Variants in BACH2 observed in about 807,000 individuals in gnomAD.
The protein encoded by BACH2 is transcription regulator protein BACH2.
In BACH2, 5 loss-of-function variants were observed where a neutral mutation model predicts 61.8. The observed-to-expected ratio is 0.08, with a 90% CI of 0.04 to 0.17. BACH2 has a LOEUF of 0.17. Among genes scored for constraint, BACH2 ranks in the 10% least tolerant of loss-of-function variants. The pLI is 1.00. For synonymous variants in BACH2, 446 were observed against 440.1 expected (o/e 1.01, Z -0.17); for missense variants, 824 against 1,091.1 (o/e 0.76, Z 3.45).
chr6:90,289,517 C>T (rs1772118193), intron 1 of BACH2, among the ~76,000 whole-genome samples: 1 of 152,138 alleles, frequency 6.6e-6, no homozygotes, highest in South Asian at 2.1e-4. Flanking sequence ...CTTAATTTTG[C>T]ATCTAAGAAT....
At chr6:90,012,886 C>T (rs899089515) in intron 5 of BACH2, among the ~76,000 whole-genome samples, 5 of 151,966 alleles carry the variant, frequency 3.3e-5, no homozygotes, top group South Asian at 2.1e-4. Context: ...AGACTGGTCT[C>T]GAACTCTTGG....
In BACH2 at chr6:89,995,061, C is replaced by A. The variant is rs565920438; in HGVS notation, c.243+13541G>T. 1.5e-3 allele frequency among the ~76,000 whole-genome samples: 225 copies of A among 152,344 alleles called. No homozygotes were observed. In the Middle Eastern group the frequency reaches 0.02, roughly 14 times the overall value. On this transcript the variant is annotated intron_variant, in intron 6 of 8. Coordinates refer to ENST00000257749, the MANE Select transcript of BACH2 (RefSeq NM_021813.4). ...TTGAGTTTCTCCAATTTCCCCCACT[C>A]CAGAGTCCTTTATAACTGGTTTGTG...
chr6:89,945,623 T>C (rs949685838), intron 7 of BACH2, among the ~76,000 whole-genome samples: 2 of 152,202 alleles, frequency 1.3e-5, no homozygotes, highest in Non-Finnish European at 1.5e-5. Flanking sequence ...TAGAATTACA[T>C]AGTGGTGATG....
In BACH2 at chr6:90,070,050, C is replaced by T. The variant is rs545156369; in HGVS notation, c.-13+18911G>A. 3.3e-5 allele frequency among the ~76,000 whole-genome samples: 5 copies of T among 152,214 alleles called. No individual in the cohort carries two copies. The East Asian group carries it at 9.7e-4, about 29-fold the overall frequency. On this transcript the variant is annotated intron_variant, in intron 5 of 8. Transcript: ENST00000257749. The stretch of plus-strand genomic sequence containing the variant: ...ATTGTGGCAGTTACTCTGCTGGGGG[C>T]TTTTATATATAACATTTTATTTAAT...
chr6:90,130,969 T>C (rs923992200), intron 4 of BACH2, among the ~76,000 whole-genome samples: 2 of 152,194 alleles, frequency 1.3e-5, no homozygotes, highest in Admixed American at 6.5e-5. Flanking sequence ...GCAAAATGTT[T>C]TGGGAAGCAT....
At chr6:89,949,385 GAC>G (rs1273189749) in intron 7 of BACH2, among the ~76,000 whole-genome samples, 1 of 152,142 alleles carries the variant, frequency 6.6e-6, no homozygotes, top group Non-Finnish European at 1.5e-5. Flanking sequence ...GCCAGGTCAC[GAC>G]ACAGACTCTC....
intron 1 of BACH2, among the ~76,000 whole-genome samples, chr6:90,278,108 G>T (rs953706794): frequency 6.6e-6 from 1 of 152,190 alleles, no homozygotes; most frequent in African/African-American, 2.4e-5. Flanking sequence ...ATAATTTTCG[G>T]AAGAGTGTCA....
intron 6 of BACH2, among the ~76,000 whole-genome samples, chr6:89,987,291 G>A (rs752176590): frequency 2.6e-5 from 4 of 152,174 alleles, no homozygotes; most frequent in Non-Finnish European, 4.4e-5. Context: ...AACTTACCCT[G>A]ATGATCCTGA....
chr6:90,149,036 G>A (rs949332326), intron 4 of BACH2, among the ~76,000 whole-genome samples: 2 of 152,168 alleles, frequency 1.3e-5, no homozygotes, highest in Non-Finnish European at 2.9e-5. Flanking sequence ...CCAGCAGGCA[G>A]AACAAGAGAG....
intron 5 of BACH2, among the ~76,000 whole-genome samples, chr6:90,015,087 A>C (rs978115866): frequency 1.3e-5 from 2 of 151,918 alleles, no homozygotes; most frequent in African/African-American, 4.8e-5. Flanking sequence ...CAGCCCATAT[A>C]TAGTTTTTAA....
intron 4 of BACH2, among the ~76,000 whole-genome samples, chr6:90,167,609 T>C (rs1767673735): frequency 6.6e-6 from 1 of 152,216 alleles, no homozygotes; most frequent in Non-Finnish European, 1.5e-5. Context: ...CCAAAATGCC[T>C]TGGCTTCCCA....
chr6:90,207,932 T>A (rs1421205502), intron 3 of BACH2, among the ~76,000 whole-genome samples: 2 of 152,194 alleles, frequency 1.3e-5, no homozygotes, highest in Non-Finnish European at 2.9e-5. Context: ...AAACTCCTAC[T>A]CCATGCACAT....
At chr6:90,182,225 TTCTC>T (rs150814141) in intron 4 of BACH2, among the ~76,000 whole-genome samples, 9 of 151,678 alleles carry the variant, frequency 5.9e-5, no homozygotes, top group Non-Finnish European at 8.8e-5. Flanking sequence ...AAAGACACTT[TTCTC>T]TCTCTCTCTC....
At chr6:90,038,067 A>T (rs1779349778) in intron 5 of BACH2, among the ~76,000 whole-genome samples, 1 of 152,230 alleles carries the variant, frequency 6.6e-6, no homozygotes, top group South Asian at 2.1e-4. Flanking sequence ...TAGAACTGTG[A>T]GGCAATACAT....
chr6:89,971,337 G>A (rs928151194), intron 6 of BACH2, among the ~76,000 whole-genome samples: 5 of 152,156 alleles, frequency 3.3e-5, no homozygotes, highest in Admixed American at 1.3e-4. Flanking sequence ...TGTCACTGGT[G>A]GGCACCTTTT....
chr6:90,244,250 G>A (rs1468420655), intron 3 of BACH2, among the ~76,000 whole-genome samples: 2 of 152,122 alleles, frequency 1.3e-5, no homozygotes, highest in East Asian at 1.9e-4. Context: ...AAGAAATACT[G>A]TCTTCCCAAT....
intron 4 of BACH2, among the ~76,000 whole-genome samples, chr6:90,126,967 T>C (rs1334193492): frequency 1.3e-5 from 2 of 152,208 alleles, no homozygotes; most frequent in Non-Finnish European, 2.9e-5. Context: ...AGGCAGCCTC[T>C]GTTTCCTTCC....
chr6:90,062,875 A>G, intron 5 of BACH2: 1 of 979,314 alleles, frequency 1.0e-6, no homozygotes. Flanking sequence ...AGACAGATGA[A>G]AGGCTGACCT....
At chr6:90,234,305 T>G (rs1007543133) in intron 3 of BACH2, among the ~76,000 whole-genome samples, 1 of 152,168 alleles carries the variant, frequency 6.6e-6, no homozygotes, top group Non-Finnish European at 1.5e-5. Flanking sequence ...GATTCAGAAG[T>G]GCAAAGTATA....
Sources: gnomAD v4.1 joint callset for allele counts (sites outside exome capture counted in the v4.1 genomes callset) on GRCh38, gnomAD v4.1.1 for gene constraint, MANE v1.5 for transcripts, NCBI Gene and HGNC (gene_info 2026-07-23, HGNC 2026-07-21) for gene names.